The following EPHA8 variants were observed in gnomAD, a reference collection of about 807,000 sequenced individuals.
EPHA8 encodes EPH receptor A8.
Under a neutral mutation model 103.6 loss-of-function variants are expected in EPHA8, and 58 were observed. The ratio of observed to expected loss-of-function variants is 0.56; its 90% CI spans 0.45 to 0.70. EPHA8 has a LOEUF of 0.70. Ranked by LOEUF, EPHA8 falls within the 30% of genes least tolerant of loss-of-function variation. The probability of loss-of-function intolerance (pLI) is 0.00; values close to 1 mark genes in which losing one functional copy is unlikely to be tolerated. For missense variants in EPHA8, 1,304 were observed against 1,395.2 expected, an observed-to-expected ratio of 0.93 and a Z score of 1.04; for synonymous variants, 559 against 572.5, an observed-to-expected ratio of 0.98 and a Z score of 0.34.
chr1:22,579,030 T>C lies in EPHA8; in HGVS notation c.823+2150T>C, dbSNP rs568732656. On this transcript the variant is annotated intron_variant, in intron 3 of 16. Transcript: ENST00000166244. ...ATGTGTGTGCATATGTGCAAGAGTA[T>C]GTATGCATGTGTGTGCATTTGTGCA... Among the ~76,000 whole-genome samples the C allele has an allele frequency of 3.4e-5, 5 of 146,916 alleles. No individual in the cohort carries two copies. In the South Asian group the frequency reaches 8.6e-4, roughly 25 times the overall value.
chr1:22,597,379 G>A lies in EPHA8; in HGVS notation c.1833G>A (p.Ala611=), dbSNP rs139415593. The part of the protein sequence containing the change: ...PGKLPEPQFY[A]EPHTYEEPGR... ...AGCTCCCAGAGCCCCAGTTCTATGC[G>A]GAACCCCACACCTACGAGGAGCCAG... Residue 611 remains alanine, a synonymous_variant, in exon 10 of 17, where the codon GCG becomes GCA. Coordinates refer to ENST00000166244, the MANE Select transcript of EPHA8 (RefSeq NM_020526.5). The surrounding 1 kb of genome is among the most constrained non-coding windows in gnomAD (Gnocchi z 4.6). 338 of 1,613,424 alleles carry A rather than the reference G, an allele frequency of 2.1e-4. 1 individual carries two copies. In the African/African-American group the frequency reaches 3.1e-3, roughly 15 times the overall value.
chr1:22,601,447 G>C lies in EPHA8; in HGVS notation c.2877G>C (p.Leu959=). 1.2e-6 allele frequency: 2 copies of C among 1,610,358 alleles called. No homozygotes were observed. The highest frequency in any genetic ancestry group is 2.7e-5 in the African/African-American group (2 of 75,038). ...DHFAAGGYSS[L]GMVLRMNAQD... is the part of the protein sequence containing the mutation. ...TCGCTGCGGGCGGATACTCCTCTCT[G>C]GGCATGGTGCTACGCATGAACGCCC... The change falls in exon 16 of 17, where the codon CTG becomes CTC. Residue 959 remains leucine, a synonymous_variant. Coordinates refer to ENST00000166244, the MANE Select transcript of EPHA8 (RefSeq NM_020526.5).
chr1:22,575,553 CTGT>C (rs1290299932), intron 2 of EPHA8, among the ~76,000 whole-genome samples: 2 of 152,226 alleles, frequency 1.3e-5, no homozygotes, highest in Non-Finnish European at 2.9e-5. Context: ...CCTTTTCACT[CTGT>C]TGAGAGTGTC....
At chr1:22,573,871 A>T (rs750493139) in intron 2 of EPHA8, among the ~76,000 whole-genome samples, 4 of 152,242 alleles carry the variant, frequency 2.6e-5, no homozygotes, top group South Asian at 2.1e-4. Flanking sequence ...CACACCCAGG[A>T]GGGCTGGGAA....
chr1:22,567,893 G>C lies in EPHA8; in HGVS notation c.95-1396G>C, dbSNP rs1349780212. Among the ~76,000 whole-genome samples, 3 of 152,176 alleles carry C rather than the reference G, an allele frequency of 2.0e-5. No individual in the cohort carries two copies. Among genetic ancestry groups the C allele is most frequent in the African/African-American group, 7.2e-5 (3 of 41,442 alleles). The stretch of plus-strand genomic sequence containing the variant: ...GGAAGGCAGAGTGAAAGGGAAAGCT[G>C]TGGGACTCTGGAGCCAAAAGCCCTC... On this transcript the variant is annotated intron_variant, in intron 1 of 16. Coordinates refer to ENST00000166244, the MANE Select transcript of EPHA8 (RefSeq NM_020526.5). This position sits in a 1 kb window ranked among gnomAD's most constrained non-coding sequence, Gnocchi z 4.2.
intron 9 of EPHA8, 60 bp downstream of exon 9, chr1:22,596,233 G>A: frequency 1.3e-6 from 2 of 1,536,754 alleles, no homozygotes; most frequent in Non-Finnish European, 1.8e-6. Context: ...ACCCAGTGCT[G>A]GACTGGGGGT....
intron 3 of EPHA8, among the ~76,000 whole-genome samples, chr1:22,578,417 C>CATGTGTACGT: frequency 9.5e-6 from 1 of 104,808 alleles, no homozygotes; most frequent in South Asian, 3.4e-4. Context: ...TGCATGTCTG[C>CATGTGTACGT]ATGTGTACGT....
intron 5 of EPHA8, among the ~76,000 whole-genome samples, 180 bp from the exon 6 acceptor site, chr1:22,593,146 G>A (rs1470531614): frequency 6.6e-6 from 1 of 152,204 alleles, no homozygotes; most frequent in African/African-American, 2.4e-5. Context: ...CTGACCCCAA[G>A]TGGCCACCAG....
chr1:22,577,931 G>GAGTGTATGCA (rs1640772939), intron 3 of EPHA8, among the ~76,000 whole-genome samples: 1 of 105,704 alleles, frequency 9.5e-6, no homozygotes, highest in Non-Finnish European at 2.0e-5. Context: ...GTATGTGTGC[G>GAGTGTATGCA]TGAGTGTATG....
At chr1:22,586,169 G>A (rs982681554) in intron 3 of EPHA8, among the ~76,000 whole-genome samples, 1 of 152,204 alleles carries the variant, frequency 6.6e-6, no homozygotes, top group Non-Finnish European at 1.5e-5. Context: ...TGGGGGAGGG[G>A]TCAATTAGAG....
intron 1 of EPHA8, among the ~76,000 whole-genome samples, chr1:22,565,108 C>T (rs771429732): frequency 2.1e-4 from 32 of 152,314 alleles, no homozygotes; most frequent in Non-Finnish European, 2.4e-4. Context: ...CACAAACACA[C>T]ATGTACATGC....
intron 1 of EPHA8, among the ~76,000 whole-genome samples, chr1:22,564,424 GGGA>G (rs1380556969): frequency 6.6e-6 from 1 of 151,514 alleles, no homozygotes; most frequent in Non-Finnish European, 1.5e-5. Context: ...GAGCGGCTTG[GGGA>G]GGAGAGGGCT....
rs1227307074 is a variant in EPHA8, at chr1:22,576,614, A to G, written c.557A>G (p.Gln186Arg). 6.2e-7 allele frequency: 1 copy of G among 1,613,810 alleles called. No homozygotes were observed. The highest frequency in any genetic ancestry group is 1.7e-5 in the Admixed American group (1 of 59,994). Residue 186 changes from glutamine to arginine, a missense_variant, in exon 3 of 17, where the codon CAG becomes CGG. By Grantham distance (43) the Gln-to-Arg change is conservative. Transcript: ENST00000166244. The surrounding 1 kb of genome is among the most constrained non-coding windows in gnomAD (Gnocchi z 4.8). ...LSKRGFYLAF[Q>R]DIGACLAILS... is the part of the protein sequence containing the mutation. The stretch of plus-strand genomic sequence containing the variant: ...AAGCGCGGCTTCTACCTGGCCTTCC[A>G]GGACATAGGTGCCTGCCTGGCCATC...
At chr1:22,599,700 G>GA (rs1641635798) in intron 13 of EPHA8, among the ~76,000 whole-genome samples, 1 of 24,766 alleles carries the variant, frequency 4.0e-5, no homozygotes, top group Non-Finnish European at 6.8e-5. Flanking sequence ...AGGAGGGAGG[G>GA]AGGAAGGAGG....
rs1359234020 is a variant in EPHA8 at position 22,576,263 on chromosome 1, C to T, written c.206C>T (p.Thr69Met). 12 of 1,613,628 alleles carry T rather than the reference C, an allele frequency of 7.4e-6. No individual in the cohort carries two copies. Among genetic ancestry groups the T allele is most frequent in the Admixed American group, 6.7e-5 (4 of 59,990 alleles). The change falls in exon 3 of 17, where the codon ACG (threonine) becomes ATG (methionine). Residue 69 changes from threonine to methionine, a missense_variant. Thr to Met is a moderately conservative substitution (Grantham distance 81). Coordinates refer to ENST00000166244, the MANE Select transcript of EPHA8 (RefSeq NM_020526.5). The surrounding 1 kb of genome is among the most constrained non-coding windows in gnomAD (Gnocchi z 4.8). The stretch of plus-strand genomic sequence containing the variant: ...GACGAGTCCTTCCAGCCCATCCACA[C>T]GTACCAGGTTTGCAACGTCATGAGC... ...EVDESFQPIH[T>M]YQVCNVMSPN...
rs1641555827 is a variant in EPHA8 at position 22,597,554 on chromosome 1, G to A, written c.1930+78G>A. The A allele has an allele frequency of 6.4e-7, 1 of 1,571,072 alleles. No homozygotes were observed. Among genetic ancestry groups the A allele is most frequent in the Non-Finnish European group, 8.6e-7 (1 of 1,157,350 alleles). On this transcript the variant is annotated intron_variant, in intron 10 of 16. Coordinates refer to ENST00000166244, the MANE Select transcript of EPHA8 (RefSeq NM_020526.5). This position sits in a 1 kb window ranked among gnomAD's most constrained non-coding sequence, Gnocchi z 4.6. ...CCCAGGGCAAGGTGGGGGCACCCAG[G>A]GCAGAGGGAGCGTGTGACCCAGGGG... is the stretch of plus-strand genomic sequence containing the variant.
rs209737 is a variant in EPHA8, at chr1:22,563,582, A to G, written c.-54A>G. On this transcript the variant is annotated 5_prime_UTR_variant, in exon 1 of 17. Coordinates refer to ENST00000166244, the MANE Select transcript of EPHA8 (RefSeq NM_020526.5). The surrounding 1 kb of genome is among the most constrained non-coding windows in gnomAD (Gnocchi z 4.4). ...CGCTCCCTCCCGACGCGCGGGCCGCAGCGGCCAAGCCCGAGGGTGCGTGGC... is the reference window on the plus strand; with the variant it reads ...CGCTCCCTCCCGACGCGCGGGCCGCGGCGGCCAAGCCCGAGGGTGCGTGGC... 6.9e-6 allele frequency: 1 copy of G among 145,356 alleles called. No individual in the cohort carries two copies. The highest frequency in any genetic ancestry group is 1.5e-5 in the Non-Finnish European group (1 of 65,350). The allele number at this position is 145,356 out of a possible 1,614,324, so 9.0% of individuals were successfully genotyped here. A position where few individuals can be genotyped will look rare whatever the true frequency, so the allele number is the denominator to read the frequency against.
intron 1 of EPHA8, among the ~76,000 whole-genome samples, chr1:22,566,410 G>T (rs1370487673): frequency 1.3e-5 from 2 of 152,182 alleles, no homozygotes; most frequent in African/African-American, 2.4e-5. Flanking sequence ...AAAAGAAATC[G>T]CATAATGCCT....
chr1:22,590,444 C>A (rs1479826676), intron 5 of EPHA8, among the ~76,000 whole-genome samples: 2 of 152,192 alleles, frequency 1.3e-5, no homozygotes, highest in African/African-American at 4.8e-5. Context: ...CTCTCCTCTG[C>A]GGGACTTCTC....
Sources: allele counts gnomAD v4.1 joint callset (sites outside exome capture counted in the v4.1 genomes callset), GRCh38; gene constraint gnomAD v4.1.1; non-coding constraint Gnocchi (gnomAD v3.1); transcripts MANE v1.5; gene names NCBI Gene and HGNC (gene_info 2026-07-23, HGNC 2026-07-21).